CNTNAP2: variants seen among roughly 807,000 people sequenced by gnomAD.
CNTNAP2 encodes the protein contactin associated protein 2.
A neutral mutation model predicts 155.2 loss-of-function variants in CNTNAP2; 98 were observed. That is an observed-to-expected ratio of 0.63 (90% CI 0.54 to 0.75). The LOEUF (loss-of-function observed/expected upper bound fraction) is 0.75, where lower values mean the gene tolerates loss of function less well. CNTNAP2 is among the 30% of genes least tolerant of loss of function. CNTNAP2 has a pLI of 0.00. For missense variants in CNTNAP2, 1,727 were observed against 1,688.1 expected, an observed-to-expected ratio of 1.02 and a Z score of -0.40; for synonymous variants, 651 against 631.2, an observed-to-expected ratio of 1.03 and a Z score of -0.47.
At chr7:148,394,733 TG>T (rs1799428623) in intron 22 of CNTNAP2, among the ~76,000 whole-genome samples, 2 of 152,200 alleles carry the variant, frequency 1.3e-5, no homozygotes, top group African/African-American at 4.8e-5. Context: ...TGGTCAAACA[TG>T]GGATTAGAGA....
At position 148,347,190 on chromosome 7, in the gene CNTNAP2, G is replaced by C. The variant is rs564825747; in HGVS notation, c.3476-36459G>C. Among the ~76,000 whole-genome samples, 104 of 151,998 alleles carry C rather than the reference G, an allele frequency of 6.8e-4. 1 individual carries two copies. The South Asian group carries it at 7.7e-3, about 11-fold the overall frequency. ...GAGAATCGCCTGAACCCGGGAAGTG[G>C]AGATTACAGTGAGCTGAGATTGCAC... On this transcript the variant is annotated intron_variant, in intron 21 of 23. Coordinates refer to ENST00000361727, the MANE Select transcript of CNTNAP2 (RefSeq NM_014141.6).
intron 12 of CNTNAP2, among the ~76,000 whole-genome samples, chr7:147,569,146 T>G (rs1485394039): frequency 6.6e-6 from 1 of 152,198 alleles, no homozygotes; most frequent in Non-Finnish European, 1.5e-5. Context: ...TCTATTATCC[T>G]CTCTAATAGT....
At chr7:147,335,823 G>T (rs766192771) in intron 9 of CNTNAP2, among the ~76,000 whole-genome samples, 6 of 151,902 alleles carry the variant, frequency 3.9e-5, no homozygotes, top group African/African-American at 9.7e-5. Context: ...TTCCCAACAG[G>T]CAACTTAACA....
intron 1 of CNTNAP2, among the ~76,000 whole-genome samples, chr7:146,373,161 C>T (rs377563112): frequency 7.2e-5 from 11 of 152,140 alleles, no homozygotes; most frequent in African/African-American, 2.4e-4. Context: ...GGAGAAAAGA[C>T]ATTTAACTGC....
At chr7:147,623,607 C>T (rs1156985434) in intron 12 of CNTNAP2, among the ~76,000 whole-genome samples, 1 of 151,704 alleles carries the variant, frequency 6.6e-6, no homozygotes. Context: ...GAGGAGAACA[C>T]CAATAAGATG....
At chr7:146,791,793 A>G (rs912863453) in intron 2 of CNTNAP2, among the ~76,000 whole-genome samples, 3 of 152,236 alleles carry the variant, frequency 2.0e-5, no homozygotes, top group African/African-American at 7.2e-5. Flanking sequence ...TACGTTAATC[A>G]GCTTCTGGAA....
intron 1 of CNTNAP2, among the ~76,000 whole-genome samples, chr7:146,597,100 A>G (rs1414240833): frequency 6.6e-6 from 1 of 152,052 alleles, no homozygotes; most frequent in African/African-American, 2.4e-5. Context: ...AGCACGGGAG[A>G]GCACTGTATT....
intron 1 of CNTNAP2, among the ~76,000 whole-genome samples, chr7:146,690,010 A>G (rs991333590): frequency 2.0e-5 from 3 of 151,522 alleles, no homozygotes; most frequent in African/African-American, 7.3e-5. Context: ...TTTCAAATTT[A>G]TATATATCTA....
At chr7:147,942,763 C>T (rs534068984) in intron 14 of CNTNAP2, among the ~76,000 whole-genome samples, 61 of 152,258 alleles carry the variant, frequency 4.0e-4, no homozygotes, top group African/African-American at 1.3e-3. Context: ...ACTGGCCAGG[C>T]GCAGTGGCTC....
chr7:148,197,793 T>C (rs947345339), intron 18 of CNTNAP2, among the ~76,000 whole-genome samples: 1 of 152,142 alleles, frequency 6.6e-6, no homozygotes. Flanking sequence ...GAAACCAAAT[T>C]TAATGGAAAG....
intron 8 of CNTNAP2, among the ~76,000 whole-genome samples, chr7:147,250,313 C>G (rs1804168103): frequency 6.6e-6 from 1 of 152,022 alleles, no homozygotes; most frequent in Admixed American, 6.5e-5. Context: ...TAGTTTTGAT[C>G]AAGAGAACCT....
chr7:148,033,975 C>T (rs898652509), intron 15 of CNTNAP2, among the ~76,000 whole-genome samples: 7 of 151,936 alleles, frequency 4.6e-5, no homozygotes, highest in Admixed American at 1.3e-4. Context: ...AAGCATTCAC[C>T]GTGACAGAGG....
intron 1 of CNTNAP2, among the ~76,000 whole-genome samples, chr7:146,301,961 C>T (rs1209584905): frequency 2.0e-5 from 3 of 152,100 alleles, no homozygotes; most frequent in Non-Finnish European, 4.4e-5. Context: ...GTTCAAGCTA[C>T]CTCGTAGGAC....
chr7:146,701,784 G>A (rs757132263), intron 1 of CNTNAP2, among the ~76,000 whole-genome samples: 1 of 152,034 alleles, frequency 6.6e-6, no homozygotes, highest in Non-Finnish European at 1.5e-5. Flanking sequence ...TTTGAAGTAA[G>A]CCCTTCTCAA....
At chr7:146,692,282 G>A (rs1049375035) in intron 1 of CNTNAP2, among the ~76,000 whole-genome samples, 6 of 152,086 alleles carry the variant, frequency 3.9e-5, no homozygotes, top group South Asian at 2.1e-4. Context: ...AGGAAATGCC[G>A]TTTGATGTTG....
intron 4 of CNTNAP2, among the ~76,000 whole-genome samples, chr7:147,090,485 A>G (rs1268925268): frequency 6.6e-6 from 1 of 152,136 alleles, no homozygotes; most frequent in Non-Finnish European, 1.5e-5. Flanking sequence ...TCAAGGTCAT[A>G]CATTTATTCT....
At chr7:146,489,341 G>A (rs1797104933) in intron 1 of CNTNAP2, among the ~76,000 whole-genome samples, 1 of 152,092 alleles carries the variant, frequency 6.6e-6, no homozygotes. Context: ...TATATAAAGA[G>A]CATTGCAAAA....
chr7:147,981,997 T>C (rs547793686), intron 15 of CNTNAP2, among the ~76,000 whole-genome samples: 6 of 152,254 alleles, frequency 3.9e-5, no homozygotes, highest in African/African-American at 1.4e-4. Flanking sequence ...AAAGAACCAT[T>C]TGGAAGATTA....
chr7:147,600,060 T>G (rs536457930), intron 12 of CNTNAP2, among the ~76,000 whole-genome samples: 8 of 152,292 alleles, frequency 5.3e-5, no homozygotes, highest in African/African-American at 1.9e-4. Context: ...AAATGACAAA[T>G]GGTTGTCAAG....
Sources: gnomAD v4.1 joint callset for allele counts (sites outside exome capture counted in the v4.1 genomes callset) on GRCh38, gnomAD v4.1.1 for gene constraint, MANE v1.5 for transcripts, NCBI Gene and HGNC (gene_info 2026-07-23, HGNC 2026-07-21) for gene names.